PDXDC1: variants seen among roughly 807,000 people sequenced by gnomAD.
PDXDC1 encodes the protein pyridoxal dependent decarboxylase domain containing 1.
PDXDC1 carries 42 observed loss-of-function variants against 100.1 expected under a neutral mutation model. The ratio of observed to expected loss-of-function variants is 0.42; its 90% CI spans 0.33 to 0.54. The LOEUF (loss-of-function observed/expected upper bound fraction) is 0.54, where lower values mean the gene tolerates loss of function less well. Among genes scored for constraint, PDXDC1 ranks in the 20% least tolerant of loss-of-function variants. The probability of loss-of-function intolerance (pLI) is 0.10; values close to 1 mark genes in which losing one functional copy is unlikely to be tolerated. For synonymous variants in PDXDC1, 260 were observed against 371.7 expected, an observed-to-expected ratio of 0.70 and a Z score of 3.46; for missense variants, 636 against 979.2, an observed-to-expected ratio of 0.65 and a Z score of 4.68.
At position 15,022,178 on chromosome 16, in the gene PDXDC1, A is replaced by T. The variant is rs1478235981; in HGVS notation, c.1090-526A>T. ...TGTTTCTAAGCACTTCCTGTATTGCATATCAACTCATTTAATCCTCACAGC... is the reference window on the plus strand; with the variant it reads ...TGTTTCTAAGCACTTCCTGTATTGCTTATCAACTCATTTAATCCTCACAGC... On this transcript the variant is annotated intron_variant, in intron 12 of 22. Transcript: ENST00000396410. 3.9e-5 allele frequency among the ~76,000 whole-genome samples: 6 copies of T among 152,406 alleles called. No homozygotes were observed. The South Asian group carries it at 1.2e-3, about 32-fold the overall frequency.
At chr16:15,081,204 T>C (rs2045690090) in intron 16 of PDXDC1, among the ~76,000 whole-genome samples, 1 of 152,224 alleles carries the variant, frequency 6.6e-6, no homozygotes, top group Non-Finnish European at 1.5e-5. Context: ...TCTGTGGACA[T>C]ATATTTTCAT....
At chr16:14,981,941 G>A (rs1402403904) in intron 1 of PDXDC1, among the ~76,000 whole-genome samples, 1 of 152,130 alleles carries the variant, frequency 6.6e-6, no homozygotes, top group Non-Finnish European at 1.5e-5. Flanking sequence ...CAATTCTCCT[G>A]TCTTAGCCTC....
chr16:15,073,653 C>T (rs1428635239), intron 16 of PDXDC1, among the ~76,000 whole-genome samples: 2 of 152,164 alleles, frequency 1.3e-5, no homozygotes, highest in Non-Finnish European at 2.9e-5. Flanking sequence ...TAGCAAAAGA[C>T]CTCTAATCCG....
chr16:15,084,357 C>T (rs2045830362), intron 16 of PDXDC1, among the ~76,000 whole-genome samples: 1 of 152,118 alleles, frequency 6.6e-6, no homozygotes, highest in African/African-American at 2.4e-5. Context: ...GGGTTTCTCA[C>T]TGAAAAATTT....
rs371062637 is a variant in PDXDC1, at chr16:15,004,517, C to T, written c.389+184C>T. Among the ~76,000 whole-genome samples, 36 of 152,396 alleles carry T rather than the reference C, an allele frequency of 2.4e-4. No individual in the cohort carries two copies. In the South Asian group the frequency reaches 7.0e-3, roughly 30 times the overall value. On this transcript the variant is annotated intron_variant, in intron 5 of 22. Coordinates refer to ENST00000396410, the MANE Select transcript of PDXDC1 (RefSeq NM_015027.4). ...AGTATTAATACCTATTTCATAGAAG[C>T]GTTGTGAGGATTAAATGAGCTAATG...
chr16:15,144,681 A>G, the PDXDC1 span, among the ~76,000 whole-genome samples: 2 of 152,192 alleles, frequency 1.3e-5, no homozygotes, highest in Non-Finnish European at 2.9e-5. Context: ...CGGGGGTGAC[A>G]TGGGCAGCCT....
At position 15,136,138 on chromosome 16, in the gene PDXDC1, G is replaced by A. The variant is rs1487819584; in HGVS notation, c.1400-2741G>A. ...GATCCACACGTCTAGGCTCCTGGGG[G>A]CGGGTGTGGGATGCCAGGGGGCTCA... On this transcript the variant is annotated intron_variant, in intron 16 of 16. Transcript: ENST00000535621. 11 of 1,451,738 alleles carry A rather than the reference G, an allele frequency of 7.6e-6. No individual in the cohort carries two copies. In the South Asian group the frequency reaches 8.2e-5, roughly 11 times the overall value. The allele number at this position is 1,451,738 out of a possible 1,614,324, so 89.9% of individuals were successfully genotyped here.
At chr16:15,081,397 C>T (rs190600591) in intron 16 of PDXDC1, among the ~76,000 whole-genome samples, 7 of 152,286 alleles carry the variant, frequency 4.6e-5, no homozygotes, top group African/African-American at 1.2e-4. Flanking sequence ...ACTGTCTTCT[C>T]GTTCTGATTA....
intron 9 of PDXDC1, 113 bp from the exon 10 acceptor site, chr16:15,017,007 T>G: frequency 1.7e-6 from 2 of 1,199,654 alleles, no homozygotes; most frequent in Non-Finnish European, 2.5e-6. Flanking sequence ...GCTAATAACA[T>G]TAAAAATATA....
At chr16:15,140,682 G>A (rs1338036192), downstream of PDXDC1, among the ~76,000 whole-genome samples, 2 of 152,084 alleles carry the variant, frequency 1.3e-5, no homozygotes, top group Non-Finnish European at 2.9e-5. Flanking sequence ...AGGTCCTGGA[G>A]CTGGTGATGT....
chr16:15,119,392 G>T (rs2047356186), intron 16 of PDXDC1, among the ~76,000 whole-genome samples: 1 of 142,514 alleles, frequency 7.0e-6, no homozygotes, highest in Non-Finnish European at 1.5e-5. Context: ...AATAGCTGAT[G>T]ATCTAAAAAA....
intron 16 of PDXDC1, among the ~76,000 whole-genome samples, chr16:15,053,182 G>A (rs532985106): frequency 2.0e-5 from 3 of 152,330 alleles, no homozygotes; most frequent in Admixed American, 1.3e-4. Flanking sequence ...ACTGAATAGC[G>A]CAGCTCCAGA....
chr16:15,084,008 G>A (rs879335651), intron 16 of PDXDC1, among the ~76,000 whole-genome samples: 6 of 152,200 alleles, frequency 3.9e-5, no homozygotes, highest in South Asian at 2.1e-4. Flanking sequence ...GAGCCACCGC[G>A]CCCGGCCAGA....
chr16:15,132,037 G>A (rs1318314755), intron 16 of PDXDC1, among the ~76,000 whole-genome samples: 5 of 7,134 alleles, frequency 7.0e-4, no homozygotes, highest in Non-Finnish European at 1.3e-3. Context: ...GGAGGGGAAG[G>A]AGGATAAGGG....
chr16:15,068,046 C>A, intron 16 of PDXDC1: 2 of 939,974 alleles, frequency 2.1e-6, no homozygotes, highest in South Asian at 1.8e-5. Context: ...CAGGTGTCAG[C>A]CACCACGCCT....
chr16:15,130,709 C>T lies in PDXDC1; in HGVS notation c.1400-8170C>T, dbSNP rs766206589. 3.3e-5 allele frequency: 50 copies of T among 1,504,510 alleles called. 1 individual carries two copies. The highest frequency in any genetic ancestry group is 2.2e-4 in the African/African-American group (16 of 73,536). 93.2% of individuals were successfully genotyped at this position (1,504,510 alleles called of 1,614,324 possible). On this transcript the variant is annotated intron_variant, in intron 16 of 16. Coordinates refer to the PDXDC1 transcript ENST00000535621. ...ACTCTGGGCGGATCCTCCTGCTAGCCGAGCAGTTGTGCTCATTGGGCCGGG... is the reference window on the plus strand; with the variant it reads ...ACTCTGGGCGGATCCTCCTGCTAGCTGAGCAGTTGTGCTCATTGGGCCGGG...
chr16:15,044,661 T>C (rs1363465974), intron 16 of PDXDC1: 12 of 541,400 alleles, frequency 2.2e-5, no homozygotes, highest in South Asian at 1.9e-4. Flanking sequence ...GCCGCCTCCA[T>C]GCACCAGTGG....
At chr16:15,122,908 A>T (rs1247129916) in intron 16 of PDXDC1, among the ~76,000 whole-genome samples, 23 of 140,540 alleles carry the variant, frequency 1.6e-4, no homozygotes, top group Non-Finnish European at 2.6e-4. Context: ...TACCTGGAGG[A>T]GGTGGAGGAG....
At chr16:15,102,164 ATT>A (rs1435630142) in intron 16 of PDXDC1, among the ~76,000 whole-genome samples, 1 of 151,344 alleles carries the variant, frequency 6.6e-6, no homozygotes, top group African/African-American at 2.4e-5. Flanking sequence ...TAATTTTTAA[ATT>A]TGTTATAGAG....
Sources: gnomAD v4.1 joint callset for allele counts (sites outside exome capture counted in the v4.1 genomes callset) on GRCh38, gnomAD v4.1.1 for gene constraint, MANE v1.5 for transcripts, NCBI Gene and HGNC (gene_info 2026-07-23, HGNC 2026-07-21) for gene names.